The following SND1 variants were observed in gnomAD, a reference collection of about 807,000 sequenced individuals.
SND1 encodes staphylococcal nuclease and tudor domain containing 1.
A neutral mutation model predicts 121.7 loss-of-function variants in SND1; 38 were observed. The ratio of observed to expected loss-of-function variants is 0.31; its 90% CI spans 0.24 to 0.41. The LOEUF is 0.41. SND1 is among the 10% of genes least tolerant of loss of function. The pLI is 1.00. For missense variants in SND1, 868 were observed against 1,184.6 expected, an observed-to-expected ratio of 0.73 and a Z score of 3.92; for synonymous variants, 401 against 447.4, an observed-to-expected ratio of 0.90 and a Z score of 1.31.
At chr7:127,763,193 A>T (rs905293567) in intron 10 of SND1, among the ~76,000 whole-genome samples, 6 of 152,238 alleles carry the variant, frequency 3.9e-5, no homozygotes, top group Non-Finnish European at 8.8e-5. Context: ...AATGTTACTT[A>T]AAATCAAGCA....
intron 15 of SND1, among the ~76,000 whole-genome samples, chr7:127,945,746 A>G (rs1801316042): frequency 6.6e-6 from 1 of 152,086 alleles, no homozygotes. Flanking sequence ...TCCACGTCTG[A>G]GTTTCTAATA....
chr7:127,769,640 C>A (rs1260244584), intron 10 of SND1, among the ~76,000 whole-genome samples: 2 of 151,472 alleles, frequency 1.3e-5, no homozygotes, highest in African/African-American at 4.9e-5. Flanking sequence ...TTCGAAATTT[C>A]TTTTCCTTGT....
chr7:127,752,757 T>C (rs952649410), intron 10 of SND1, among the ~76,000 whole-genome samples: 12 of 152,246 alleles, frequency 7.9e-5, no homozygotes, highest in African/African-American at 2.7e-4. Flanking sequence ...TATTTTCAAA[T>C]GCTGAAATCT....
intron 16 of SND1, among the ~76,000 whole-genome samples, chr7:128,055,201 G>A (rs2117026468): frequency 6.6e-6 from 1 of 152,320 alleles, no homozygotes; most frequent in South Asian, 2.1e-4. Flanking sequence ...GAGGCAGGAA[G>A]GTGGGCCGGG....
intron 10 of SND1, among the ~76,000 whole-genome samples, chr7:127,777,010 T>TCTGTGTA (rs1797632915): frequency 6.6e-6 from 1 of 152,230 alleles, no homozygotes; most frequent in Admixed American, 6.5e-5. Context: ...TGTGATACAT[T>TCTGTGTA]TCTCCTGTAG....
intron 16 of SND1, among the ~76,000 whole-genome samples, chr7:127,994,878 ATTT>A (rs574116167): frequency 6.8e-6 from 1 of 147,102 alleles, no homozygotes; most frequent in South Asian, 2.2e-4. Flanking sequence ...TGCTCGGCTA[ATTT>A]TTTTTTTTGT....
chr7:127,708,371 C>T (rs1796239541), intron 9 of SND1, among the ~76,000 whole-genome samples: 1 of 149,688 alleles, frequency 6.7e-6, no homozygotes, highest in African/African-American at 2.5e-5. Context: ...CCCTTCCTTC[C>T]TTTCTTCCTT....
chr7:127,798,050 A>ATT (rs572585935), intron 10 of SND1, among the ~76,000 whole-genome samples: 1 of 152,016 alleles, frequency 6.6e-6, no homozygotes, highest in Non-Finnish European at 1.5e-5. Flanking sequence ...TTAGACGCAG[A>ATT]TTTTTTTTCT....
At chr7:127,654,420 C>T (rs927253741) in intron 1 of SND1, among the ~76,000 whole-genome samples, 3 of 152,158 alleles carry the variant, frequency 2.0e-5, no homozygotes, top group African/African-American at 4.8e-5. Flanking sequence ...GACTTGAACC[C>T]AGGCCTGTCT....
Position 127,990,935 on chromosome 7 carries a change from C to T in SND1, c.1670-12C>T. ...CCTTTTCATCACAGATTCTACTTTT[C>T]TCCTGACACAGGCATTGAATGCCCC... On this transcript the variant is annotated splice_polypyrimidine_tract_variant and intron_variant, in intron 15 of 23. Transcript: ENST00000354725. The T allele has an allele frequency of 6.2e-7, 1 of 1,603,954 alleles. No individual in the cohort carries two copies. The highest frequency in any genetic ancestry group is 1.1e-5 in the South Asian group (1 of 90,182).
At chr7:128,024,668 T>C (rs1266757206) in intron 16 of SND1, among the ~76,000 whole-genome samples, 1 of 152,224 alleles carries the variant, frequency 6.6e-6, no homozygotes, top group Non-Finnish European at 1.5e-5. Flanking sequence ...ATAGCCATGA[T>C]AAAGCTAATG....
chr7:128,058,851 A>C (rs1008736612), intron 16 of SND1, among the ~76,000 whole-genome samples: 1 of 151,884 alleles, frequency 6.6e-6, no homozygotes, highest in Non-Finnish European at 1.5e-5. Flanking sequence ...CTCCTTCCTT[A>C]AAACCAGCCC....
At chr7:127,945,280 CAGG>C (rs977251433) in intron 15 of SND1, among the ~76,000 whole-genome samples, 1 of 152,158 alleles carries the variant, frequency 6.6e-6, no homozygotes, top group African/African-American at 2.4e-5. Flanking sequence ...ATCACGAGGT[CAGG>C]AGATCGAGAC....
intron 12 of SND1, among the ~76,000 whole-genome samples, chr7:127,852,490 TAAAA>T (rs779324036): frequency 2.4e-5 from 2 of 83,924 alleles, no homozygotes; most frequent in Non-Finnish European, 2.5e-5. Flanking sequence ...AGACTCCCTC[TAAAA>T]AAAAAAAAAA....
chr7:127,893,275 A>G lies in SND1; in HGVS notation c.1454+5263A>G, dbSNP rs549051643. On this transcript the variant is annotated intron_variant, in intron 13 of 23. Coordinates refer to ENST00000354725, the MANE Select transcript of SND1 (RefSeq NM_014390.4). ...CTTCCAAGTGGAGCTTTTGTTGAGC[A>G]TGTTATGGACACTGAATACAAGTTG... Among the ~76,000 whole-genome samples the G allele has an allele frequency of 2.6e-5, 4 of 152,230 alleles. No individual in the cohort carries two copies. The East Asian group carries it at 5.8e-4, about 22-fold the overall frequency.
chr7:127,888,495 A>G (rs1443328793), intron 13 of SND1, among the ~76,000 whole-genome samples: 1 of 152,182 alleles, frequency 6.6e-6, no homozygotes, highest in Non-Finnish European at 1.5e-5. Flanking sequence ...CACTTCTGAC[A>G]GCTGGCAGGA....
At chr7:128,061,135 C>T (rs1262923013) in intron 16 of SND1, among the ~76,000 whole-genome samples, 1 of 152,142 alleles carries the variant, frequency 6.6e-6, no homozygotes, top group Non-Finnish European at 1.5e-5. Context: ...CCCGCTGCAT[C>T]CTATGACCTT....
At chr7:127,888,663 G>T (rs937864988) in intron 13 of SND1, among the ~76,000 whole-genome samples, 1 of 152,086 alleles carries the variant, frequency 6.6e-6, no homozygotes, top group Non-Finnish European at 1.5e-5. Context: ...TGTGGTAGTT[G>T]AGTGATTCCC....
At chr7:128,050,640 T>C (rs1292563930) in intron 16 of SND1, among the ~76,000 whole-genome samples, 1 of 152,178 alleles carries the variant, frequency 6.6e-6, no homozygotes, top group Non-Finnish European at 1.5e-5. Context: ...TTCTGGCTGA[T>C]TTTTTTGGTC....
Sources: allele counts gnomAD v4.1 joint callset (sites outside exome capture counted in the v4.1 genomes callset), GRCh38; gene constraint gnomAD v4.1.1; transcripts MANE v1.5; gene names NCBI Gene and HGNC (gene_info 2026-07-23, HGNC 2026-07-21).